The following BECN1 variants were observed in gnomAD, a reference collection of about 807,000 sequenced individuals.
BECN1 encodes beclin-1.
In BECN1, 15 loss-of-function variants were observed where a neutral mutation model predicts 60.1. The ratio of observed to expected loss-of-function variants is 0.25; its 90% confidence interval spans 0.17 to 0.38. BECN1 has a LOEUF of 0.38. Ranked by LOEUF, BECN1 falls within the 10% of genes least tolerant of loss-of-function variation. The pLI, the probability that BECN1 is intolerant of heterozygous loss-of-function variation, is 1.00. For missense variants in BECN1, 424 were observed against 548.2 expected (o/e 0.77, Z 2.26); for synonymous variants, 179 against 201.8 (o/e 0.89, Z 0.96).
chr17:42,818,474 G>A (rs1168743939), intron 6 of BECN1, 59 bp from the exon 7 acceptor site: 23 of 1,612,148 alleles, frequency 1.4e-5, no homozygotes, highest in Admixed American at 5.0e-5. Flanking sequence ...AGTGGAGTAC[G>A]GCTCTTGGGT....
Position 42,824,139 on chromosome 17 carries a change from C to T in BECN1, c.-3+16G>A, listed in dbSNP as rs1041702346. ...CTCCCTTCTAAGGTCCCACCTCAGC[C>T]CCCGATGCTCTTCACCTCGGGAGCC... is the stretch of plus-strand genomic sequence containing the variant. On this transcript the variant is annotated intron_variant, in intron 1 of 11. Coordinates refer to ENST00000590099, the MANE Select transcript of BECN1 (RefSeq NM_001313998.2). The T allele has an allele frequency of 6.6e-6, 3 of 457,904 alleles. No individual in the cohort carries two copies. Among genetic ancestry groups the T allele is most frequent in the African/African-American group, 6.0e-5 (3 of 50,114 alleles). The allele number at this position is 457,904 out of a possible 1,614,324, so 28.4% of individuals were successfully genotyped here.
At chr17:42,818,938 T>C in intron 4 of BECN1, 61 bp from the exon 5 acceptor site, 2 of 1,573,544 alleles carry the variant, frequency 1.3e-6, no homozygotes, top group Non-Finnish European at 8.7e-7. Flanking sequence ...CTCCACCTAC[T>C]ACAATGCCAG....
intron 9 of BECN1, 161 bp downstream of exon 9, chr17:42,814,363 C>T (rs1385999193): frequency 4.3e-6 from 4 of 928,144 alleles, no homozygotes; most frequent in Non-Finnish European, 6.4e-6. Flanking sequence ...GGAGAGAGCC[C>T]TGTGATGAGG....
chr17:42,814,975 T>A, intron 8 of BECN1: 4 of 394,842 alleles, frequency 1.0e-5, no homozygotes, highest in Middle Eastern at 7.6e-4. Flanking sequence ...TTCTCCAAAT[T>A]CAATGCTACT....
At chr17:42,816,198 G>T in intron 7 of BECN1, 144 bp from the exon 8 acceptor site, 1 of 848,568 alleles carries the variant, frequency 1.2e-6, no homozygotes, top group Non-Finnish European at 1.7e-6. Flanking sequence ...CCATTCTGAG[G>T]AACATGTATG....
intron 11 of BECN1, chr17:42,811,429 A>C (rs1333790981): frequency 4.6e-6 from 2 of 434,714 alleles, no homozygotes. Flanking sequence ...TGCCAAGAAA[A>C]CCCCCTAAAC....
Position 42,814,598 on chromosome 17 carries a change from C to T in BECN1, c.906G>A (p.Glu302=), listed in dbSNP as rs758949080. 45 of 1,614,046 alleles carry T rather than the reference C, an allele frequency of 2.8e-5. No individual in the cohort carries two copies. Among genetic ancestry groups the T allele is most frequent in the Non-Finnish European group, 3.1e-5 (37 of 1,180,040 alleles). ...RLPSVPVEWN[E]INAAWGQTVL... is the part of the protein sequence containing the mutation. The stretch of plus-strand genomic sequence containing the variant: ...CAGTCTGGCCCCAAGCAGCATTAAT[C>T]TCATTCCATTCCACGGGAACACTGG... The change falls in exon 9 of 12, where the codon GAG becomes GAA. Residue 302 remains glutamate, a synonymous_variant. Transcript: ENST00000590099.
chr17:42,812,896 G>A (rs1389954990), intron 10 of BECN1: 1 of 129,998 alleles, frequency 7.7e-6, no homozygotes, highest in Non-Finnish European at 1.6e-5. Flanking sequence ...GTGCAGTGGC[G>A]CAATCTCGGC....
In BECN1 at chr17:42,823,863, C is replaced by T; in HGVS notation, c.15G>A (p.Lys5=). The T allele has an allele frequency of 6.2e-7, 1 of 1,613,882 alleles. No individual in the cohort carries two copies. The highest frequency in any genetic ancestry group is 8.5e-7 in the Non-Finnish European group (1 of 1,179,838). Residue 5 remains lysine, a synonymous_variant, in exon 2 of 12, where the codon AAG becomes AAA. Transcript: ENST00000590099. ...CCTGCATGGTGCTGTTGTTGGACGT[C>T]TTAGACCCTTCCATCCCTGAGGCCG... The part of the protein sequence containing the change: MEGS[K]TSNNSTMQVS...
At chr17:42,819,638 CT>C in intron 3 of BECN1, 29 bp from the exon 4 acceptor site, 2 of 1,608,858 alleles carry the variant, frequency 1.2e-6, no homozygotes, top group Middle Eastern at 3.3e-4. Context: ...GGCATTACAA[CT>C]CTGGCAGCTT....
rs1164326904 is a variant in BECN1 at position 42,824,282 on chromosome 17, G to T, written c.-130C>A. On this transcript the variant is annotated 5_prime_UTR_variant, in exon 1 of 12. Transcript: ENST00000590099. Reference sequence around the variant, plus strand: ...CTTCAGCGACTTCCCGGTAGCCGCCGGAAAACTTCCGCCCGAGACCGGACG... The same window carrying T: ...CTTCAGCGACTTCCCGGTAGCCGCCTGAAAACTTCCGCCCGAGACCGGACG... 2.5e-6 allele frequency: 1 copy of T among 399,616 alleles called. No individual in the cohort carries two copies. The highest frequency in any genetic ancestry group is 2.1e-5 in the African/African-American group (1 of 48,640). 24.8% of individuals were successfully genotyped at this position (399,616 alleles called of 1,614,324 possible). A position where few individuals can be genotyped will look rare whatever the true frequency, so the allele number is the denominator to read the frequency against.
chr17:42,814,267 A>C (rs2055098728), intron 9 of BECN1: 2 of 573,368 alleles, frequency 3.5e-6, no homozygotes, highest in East Asian at 6.0e-5. Context: ...CAAAAACTGA[A>C]AATATCCTGA....
Position 42,823,919 on chromosome 17 carries a change from C to T in BECN1, c.-2-40G>A, listed in dbSNP as rs764671819. 5.1e-5 allele frequency: 81 copies of T among 1,599,750 alleles called. 1 individual carries two copies. In the Admixed American group the frequency reaches 1.4e-3, roughly 27 times the overall value. The stretch of plus-strand genomic sequence containing the variant: ...AAGAGGCAACATTAGGGAGAAGCGA[C>T]GCCCTTGACCTCCGGCCCGGGGTTA... On this transcript the variant is annotated intron_variant, in intron 1 of 11. Transcript: ENST00000590099.
chr17:42,816,022 T>G lies in BECN1; in HGVS notation c.716A>C (p.Gln239Pro), dbSNP rs777562790. Reference protein sequence around the residue: ...YQREYSEFKRQQLELDDELKS... With the variant: ...YQREYSEFKRPQLELDDELKS... ...CAGCTCATCATCCAGCTCCAGCTGC[T>G]GTCGTTTAAATTCACTGTATTCTCT... Residue 239 changes from glutamine to proline, a missense_variant, in exon 8 of 12, where the codon CAG becomes CCG. Around this residue, in one of 3 missense-constraint regions of BECN1, gnomAD observed 326 missense variants for 406.2 expected, o/e 0.80. Coordinates refer to ENST00000590099, the MANE Select transcript of BECN1 (RefSeq NM_001313998.2). The G allele has an allele frequency of 3.1e-6, 5 of 1,608,020 alleles. No individual in the cohort carries two copies. The highest frequency in any genetic ancestry group is 1.1e-5 in the South Asian group (1 of 89,994).
At chr17:42,818,147 GAC>G in intron 7 of BECN1, 72 bp downstream of exon 7, 1 of 1,501,194 alleles carries the variant, frequency 6.7e-7, no homozygotes. Flanking sequence ...AAACTATTCA[GAC>G]ACATTCAGCT....
In BECN1 at chr17:42,823,841, G is replaced by C. The variant is rs1326640431; in HGVS notation, c.37C>G (p.Gln13Glu). The C allele has an allele frequency of 6.2e-7, 1 of 1,614,094 alleles. No individual in the cohort carries two copies. The highest frequency in any genetic ancestry group is 1.1e-5 in the South Asian group (1 of 91,084). The change falls in exon 2 of 12, where the codon CAG becomes GAG. Residue 13 changes from glutamine to glutamate, a missense_variant. Transcript: ENST00000590099. ...CAGCGCTGGCACACGAAGCTCACCT[G>C]CATGGTGCTGTTGTTGGACGTCTTA... Reference protein sequence around the residue: ...GSKTSNNSTMQVSFVCQRCSQ... With the variant: ...GSKTSNNSTMEVSFVCQRCSQ...
chr17:42,814,162 A>G, intron 9 of BECN1, 154 bp from the exon 10 acceptor site: 1 of 557,618 alleles, frequency 1.8e-6, no homozygotes, highest in Non-Finnish European at 3.1e-6. Flanking sequence ...ATCCATGTTT[A>G]AAAGATTTTG....
At chr17:42,823,916 C>T (rs1394034469) in intron 1 of BECN1, 37 bp from the exon 2 acceptor site, 4 of 1,602,746 alleles carry the variant, frequency 2.5e-6, no homozygotes, top group Non-Finnish European at 3.4e-6. Context: ...TAGGGAGAAG[C>T]GACGCCCTTG....
At chr17:42,820,615 T>C (rs766000682) in intron 3 of BECN1, 159 bp downstream of exon 3, 18 of 638,158 alleles carry the variant, frequency 2.8e-5, no homozygotes, top group Non-Finnish European at 4.7e-5. Context: ...AGCCTGATCA[T>C]GTAGAATGTC....
Sources: allele counts gnomAD v4.1 joint callset, GRCh38; gene constraint gnomAD v4.1.1; regional missense constraint gnomAD v4.1.1; transcripts MANE v1.5; gene names NCBI Gene and HGNC (gene_info 2026-07-23, HGNC 2026-07-21).